Variants in PDE7A observed in about 807,000 individuals in gnomAD.
PDE7A encodes high affinity 3',5'-cyclic-AMP phosphodiesterase 7A.
A neutral mutation model predicts 64.3 loss-of-function variants in PDE7A; 39 were observed. The observed-to-expected ratio is 0.61, with a 90% CI of 0.47 to 0.79. The LOEUF (loss-of-function observed/expected upper bound fraction) is 0.79, where lower values mean the gene tolerates loss of function less well. Among genes scored for constraint, PDE7A ranks in the 30% least tolerant of loss-of-function variants. PDE7A has a pLI of 0.00. For synonymous variants in PDE7A, 203 were observed against 206.8 expected (o/e 0.98, Z 0.16); for missense variants, 470 against 582.8 (o/e 0.81, Z 1.99).
intron 3 of PDE7A, among the ~76,000 whole-genome samples, chr8:65,757,620 T>C (rs7832636): frequency 6.6e-6 from 1 of 151,944 alleles, no homozygotes; most frequent in South Asian, 2.1e-4. Flanking sequence ...TGTTTTGTTT[T>C]GTTTTGTTTG....
chr8:65,819,160 G>C (rs1810481127), intron 1 of PDE7A, among the ~76,000 whole-genome samples: 3 of 152,216 alleles, frequency 2.0e-5, no homozygotes, highest in Non-Finnish European at 4.4e-5. Flanking sequence ...ACTTTGGGAG[G>C]CCAAGGTGAA....
chr8:65,724,226 AT>A, intron 11 of PDE7A, 28 bp downstream of exon 11: 2 of 1,382,180 alleles, frequency 1.4e-6, no homozygotes, highest in Non-Finnish European at 2.1e-6. Context: ...AACTGGATAG[AT>A]TAATTATCAC....
At chr8:65,723,454 T>G in intron 12 of PDE7A, 87 bp downstream of exon 12, 1 of 1,198,368 alleles carries the variant, frequency 8.3e-7, no homozygotes, top group South Asian at 2.7e-5. Context: ...AGCATAATTT[T>G]AATATTTTAT....
intron 1 of PDE7A, among the ~76,000 whole-genome samples, chr8:65,822,992 T>C (rs1442620238): frequency 6.6e-6 from 1 of 152,020 alleles, no homozygotes; most frequent in African/African-American, 2.4e-5. Flanking sequence ...GGAAAATAAA[T>C]AAAACTAGGA....
Position 65,734,914 on chromosome 8 carries a change from C to A in PDE7A, c.596-20G>T. ...TCATAACTGCATCAAAGAAAGAGAT[C>A]CCGATTTTATTGTATATGAGCAACA... is the stretch of plus-strand genomic sequence containing the variant. On this transcript the variant is annotated intron_variant, in intron 6 of 12. Transcript: ENST00000401827. The A allele has an allele frequency of 6.7e-7, 1 of 1,484,480 alleles. No homozygotes were observed. Among genetic ancestry groups the A allele is most frequent in the South Asian group, 1.1e-5 (1 of 88,134 alleles). The allele number at this position is 1,484,480 out of a possible 1,614,324, so 92.0% of individuals were successfully genotyped here. A position where few individuals can be genotyped will look rare whatever the true frequency, so the allele number is the denominator to read the frequency against.
At chr8:65,818,788 T>C (rs561965832) in intron 1 of PDE7A, among the ~76,000 whole-genome samples, 80 of 152,336 alleles carry the variant, frequency 5.3e-4, no homozygotes, top group African/African-American at 1.8e-3. Flanking sequence ...CCCCAAACAC[T>C]ACTGAATCTT....
At chr8:65,800,691 A>C (rs888190831) in intron 1 of PDE7A, among the ~76,000 whole-genome samples, 5 of 152,204 alleles carry the variant, frequency 3.3e-5, no homozygotes, top group Non-Finnish European at 5.9e-5. Context: ...ACATACCAGT[A>C]ACATTCCTCT....
At chr8:65,772,828 A>G (rs1809146519) in intron 3 of PDE7A, among the ~76,000 whole-genome samples, 1 of 151,986 alleles carries the variant, frequency 6.6e-6, no homozygotes, top group South Asian at 2.1e-4. Flanking sequence ...ATATGGTGAA[A>G]CCCTATCTTT....
At chr8:65,779,567 T>C (rs954881481) in intron 3 of PDE7A, among the ~76,000 whole-genome samples, 153 bp downstream of exon 3, 2 of 152,226 alleles carry the variant, frequency 1.3e-5, no homozygotes, top group African/African-American at 4.8e-5. Flanking sequence ...TAAGATTACC[T>C]AGAAATAGTG....
chr8:65,839,331 G>A (rs1343260474), intron 1 of PDE7A, among the ~76,000 whole-genome samples: 1 of 132,702 alleles, frequency 7.5e-6, no homozygotes, highest in Admixed American at 7.0e-5. Context: ...TAAGGGTAAA[G>A]AAAGCATTTG....
At chr8:65,741,513 T>C (rs1283472945) in intron 5 of PDE7A, among the ~76,000 whole-genome samples, 1 of 152,238 alleles carries the variant, frequency 6.6e-6, no homozygotes, top group East Asian at 1.9e-4. Context: ...ACAGAAAAGA[T>C]GTGGCAGGCC....
At chr8:65,827,736 A>G (rs924778086) in intron 1 of PDE7A, among the ~76,000 whole-genome samples, 3 of 152,214 alleles carry the variant, frequency 2.0e-5, no homozygotes, top group African/African-American at 4.8e-5. Flanking sequence ...AGTAACATGC[A>G]GTACAGGTTT....
At chr8:65,742,982 T>A (rs1382646868) in intron 5 of PDE7A, among the ~76,000 whole-genome samples, 3 of 152,230 alleles carry the variant, frequency 2.0e-5, no homozygotes, top group Non-Finnish European at 2.9e-5. Flanking sequence ...GCCCATCCAG[T>A]GCACTGCTGA....
At chr8:65,817,925 T>C (rs1186964493) in intron 1 of PDE7A, among the ~76,000 whole-genome samples, 25 of 152,058 alleles carry the variant, frequency 1.6e-4, no homozygotes, top group Admixed American at 1.6e-3. Flanking sequence ...GCTAATTTTT[T>C]GTATTTTTAG....
At chr8:65,789,025 C>T in intron 1 of PDE7A, 1 of 1,561,470 alleles carries the variant, frequency 6.4e-7, no homozygotes, top group Non-Finnish European at 8.7e-7. Flanking sequence ...TAAATACCAG[C>T]TGTCCCGAGG....
In PDE7A at chr8:65,837,896, T is replaced by C. The variant is rs1425578388; in HGVS notation, c.138+3475A>G. Among the ~76,000 whole-genome samples the C allele has an allele frequency of 2.6e-5, 4 of 152,160 alleles. No homozygotes were observed. In the East Asian group the frequency reaches 7.7e-4, roughly 29 times the overall value. On this transcript the variant is annotated intron_variant, in intron 1 of 12. Coordinates refer to ENST00000401827, the MANE Select transcript of PDE7A (RefSeq NM_001242318.3). Reference sequence around the variant, plus strand: ...TCTCCGTGTCGGCACTCAGAAAGTTTCCCTTTGAGGGCATTTTGGATTTTC... The same window carrying C: ...TCTCCGTGTCGGCACTCAGAAAGTTCCCCTTTGAGGGCATTTTGGATTTTC...
chr8:65,793,772 C>A (rs1042438616), intron 1 of PDE7A, among the ~76,000 whole-genome samples: 1 of 151,556 alleles, frequency 6.6e-6, no homozygotes, highest in Non-Finnish European at 1.5e-5. Flanking sequence ...ACTGCTGTAA[C>A]ATAAAATAAC....
Position 65,715,879 on chromosome 8 carries a change from C to T in PDE7A, c.*3411G>A, listed in dbSNP as rs11775485. 0.87 allele frequency among the ~76,000 whole-genome samples: 130,227 copies of T among 149,038 alleles called. 57,297 individuals are homozygous for T. The highest frequency in any genetic ancestry group is 0.96 in the African/African-American group (39,482 of 40,966). ...GGCGGGCGCCTGTAGTCCCAGCGAC[C>T]TGGGAGACTGAGGCAGGAGAATGAG... On this transcript the variant is annotated 3_prime_UTR_variant, in exon 13 of 13. Transcript: ENST00000401827.
At position 65,724,795 on chromosome 8, in the gene PDE7A, GT is replaced by G; in HGVS notation, c.1046del (p.His349ProfsTer10). 6.2e-7 allele frequency: 1 copy of G among 1,607,510 alleles called. No homozygotes were observed. The highest frequency in any genetic ancestry group is 8.5e-7 in the Non-Finnish European group (1 of 1,176,828). ...RGDLCLEDTR[H>X]RHLVLQMALK... ...ATTTTACCTGTAAAACCAAATGTCT[GT>G]GTCTGGTGTCTTCTAGGCATAAATC... On this transcript the variant is annotated frameshift_variant, in exon 10 of 13. Coordinates refer to ENST00000401827, the MANE Select transcript of PDE7A (RefSeq NM_001242318.3). LOFTEE classifies it high-confidence loss of function.
Sources: allele counts gnomAD v4.1 joint callset (sites outside exome capture counted in the v4.1 genomes callset), GRCh38; gene constraint gnomAD v4.1.1; transcripts MANE v1.5; gene names NCBI Gene and HGNC (gene_info 2026-07-23, HGNC 2026-07-21).